DMBT1: variants seen among roughly 807,000 people sequenced by gnomAD.
DMBT1 encodes scavenger receptor cysteine-rich domain-containing protein DMBT1.
A neutral mutation model predicts 252.9 loss-of-function variants in DMBT1; 198 were observed. The ratio of observed to expected loss-of-function variants is 0.78; its 90% CI spans 0.70 to 0.88. The LOEUF (loss-of-function observed/expected upper bound fraction) is 0.88. Among genes scored for constraint, DMBT1 ranks in the 40% least tolerant of loss-of-function variants. DMBT1 has a pLI of 0.00. For missense variants in DMBT1, 2,432 were observed against 2,404.7 expected, an observed-to-expected ratio of 1.01 and a Z score of -0.24; for synonymous variants, 990 against 942.7, an observed-to-expected ratio of 1.05 and a Z score of -0.92.
At chr10:122,639,060 TG>T (rs1364671294) in intron 54 of DMBT1, among the ~76,000 whole-genome samples, 3 of 152,258 alleles carry the variant, frequency 2.0e-5, no homozygotes, top group Admixed American at 2.0e-4. Flanking sequence ...CATCCATGGC[TG>T]GAGCTTCCCA....
chr10:122,643,226 A>T lies in DMBT1; in HGVS notation c.7457A>T (p.Tyr2486Phe). The change falls in exon 56 of 56, where the codon TAC becomes TTC. Residue 2486 changes from tyrosine (Y) to phenylalanine (F), a missense_variant. By Grantham distance (22) the Tyr-to-Phe change is conservative. Coordinates refer to ENST00000338354, the MANE Select transcript of DMBT1 (RefSeq NM_001377530.1). ...TTCCTGAACCGCTTCCCCTCCGTGTACCTGCGTTGTAAAATGGTGGTGTGC... is the reference window on the plus strand; with the variant it reads ...TTCCTGAACCGCTTCCCCTCCGTGTTCCTGCGTTGTAAAATGGTGGTGTGC... ...FHFLNRFPSV[Y>F]LRCKMVVCRA... is the part of the protein sequence containing the mutation. The T allele has an allele frequency of 6.2e-7, 1 of 1,613,714 alleles. No homozygotes were observed. The highest frequency in any genetic ancestry group is 2.2e-5 in the East Asian group (1 of 44,858).
At chr10:122,593,758 T>C (rs2097874413) in intron 21 of DMBT1, among the ~76,000 whole-genome samples, 160 bp downstream of exon 21, 1 of 148,264 alleles carries the variant, frequency 6.7e-6, no homozygotes. Context: ...AGCACAGCGC[T>C]TTTTAAACAC....
intron 54 of DMBT1, 125 bp from the exon 55 acceptor site, chr10:122,639,915 A>G: frequency 8.6e-7 from 1 of 1,161,184 alleles, no homozygotes; most frequent in East Asian, 2.6e-5. Flanking sequence ...GCCATCTCTG[A>G]GTGGTTCTGG....
chr10:122,625,790 C>T (rs1443845022), intron 45 of DMBT1, 143 bp from the exon 46 acceptor site: 2 of 730,116 alleles, frequency 2.7e-6, no homozygotes, highest in Non-Finnish European at 4.9e-6. Context: ...CCTTACTGGC[C>T]ATGAACAGTG....
In DMBT1 at chr10:122,618,015, A is replaced by G; in HGVS notation, c.4892-2A>G. On this transcript the variant is annotated splice_acceptor_variant, in intron 40 of 55. Transcript: ENST00000338354. LOFTEE classifies it high-confidence loss of function. ...ATGAAGGGTTCTTGTGTTCCCCTGT[A>G]GGATCTGAATCCACTTTGGCCCTGA... 1.9e-6 allele frequency: 3 copies of G among 1,612,564 alleles called. No homozygotes were observed. The highest frequency in any genetic ancestry group is 1.7e-6 in the Non-Finnish European group (2 of 1,179,732).
chr10:122,618,759 C>T (rs1326420409), intron 41 of DMBT1, among the ~76,000 whole-genome samples: 1 of 152,230 alleles, frequency 6.6e-6, no homozygotes, highest in Non-Finnish European at 1.5e-5. Flanking sequence ...GGGTTCTCAG[C>T]TGAGACCCAG....
chr10:122,567,225 A>T (rs1027649407), intron 2 of DMBT1, among the ~76,000 whole-genome samples: 1 of 151,942 alleles, frequency 6.6e-6, no homozygotes, highest in Admixed American at 6.6e-5. Flanking sequence ...GAGACCGAGC[A>T]CTCTCCTGGA....
chr10:122,632,803 C>T (rs2684748), intron 50 of DMBT1, 58 bp from the exon 51 acceptor site: 27 of 1,597,890 alleles, frequency 1.7e-5, no homozygotes, highest in South Asian at 2.3e-5. Context: ...CATGAGCAGT[C>T]GACAGCTGTG....
intron 54 of DMBT1, among the ~76,000 whole-genome samples, chr10:122,637,909 A>G (rs1320547452): frequency 6.6e-6 from 1 of 152,102 alleles, no homozygotes; most frequent in East Asian, 1.9e-4. Flanking sequence ...TTTTGGGTGA[A>G]AGTGAAGCCA....
chr10:122,577,746 C>T, intron 7 of DMBT1, 65 bp from the exon 8 acceptor site: 2 of 1,590,934 alleles, frequency 1.3e-6, no homozygotes, highest in Non-Finnish European at 1.7e-6. Context: ...CAAGTCACTT[C>T]AGCCTTAACT....
chr10:122,637,723 T>C (rs1271782464), intron 54 of DMBT1, among the ~76,000 whole-genome samples: 1 of 152,196 alleles, frequency 6.6e-6, no homozygotes, highest in Non-Finnish European at 1.5e-5. Flanking sequence ...TTATAAACTT[T>C]GCAAAAACGT....
intron 16 of DMBT1, 75 bp downstream of exon 16, chr10:122,586,458 C>G: frequency 6.5e-7 from 1 of 1,549,242 alleles, no homozygotes; most frequent in Non-Finnish European, 8.7e-7. Context: ...GTTCTAATCT[C>G]CTCACTTAGA....
chr10:122,630,597 C>T, intron 48 of DMBT1, 107 bp downstream of exon 48: 1 of 1,171,172 alleles, frequency 8.5e-7, no homozygotes, highest in Non-Finnish European at 1.2e-6. Context: ...CTCAGCGATG[C>T]ACGGCCCATT....
rs185181731 is a variant in DMBT1 at position 122,580,262 on chromosome 10, C to G, written c.1003+361C>G. 3.3e-5 allele frequency among the ~76,000 whole-genome samples: 5 copies of G among 152,242 alleles called. No individual in the cohort carries two copies. The East Asian group carries it at 7.8e-4, about 24-fold the overall frequency. On this transcript the variant is annotated intron_variant, in intron 10 of 55. Transcript: ENST00000338354. ...AGGCAGGGGAGGGATCCCCTCACTGCGAGGAACTCTGAACTAAAGATGCTT... is the reference window on the plus strand; with the variant it reads ...AGGCAGGGGAGGGATCCCCTCACTGGGAGGAACTCTGAACTAAAGATGCTT...
intron 1 of DMBT1, among the ~76,000 whole-genome samples, chr10:122,564,479 A>G (rs2097573024): frequency 1.3e-5 from 2 of 150,540 alleles, no homozygotes; most frequent in South Asian, 4.3e-4. Context: ...CAAATGCCTT[A>G]ATCCTCCTTT....
intron 2 of DMBT1, 112 bp from the exon 3 acceptor site, chr10:122,570,050 G>C: frequency 2.0e-6 from 2 of 980,332 alleles, no homozygotes; most frequent in South Asian, 1.3e-5. Context: ...AGCAATGGAG[G>C]GTGCCCTTAG....
At chr10:122,575,991 C>T (rs1009641132) in intron 6 of DMBT1, among the ~76,000 whole-genome samples, 2 of 152,150 alleles carry the variant, frequency 1.3e-5, no homozygotes, top group Admixed American at 6.5e-5. Context: ...GTGCTCCAAA[C>T]CAACCTTAGA....
At chr10:122,571,686 G>T (rs143794986) in intron 4 of DMBT1, among the ~76,000 whole-genome samples, 151 of 152,252 alleles carry the variant, frequency 9.9e-4, no homozygotes, top group Non-Finnish European at 1.6e-3. Context: ...GTCCCATGGT[G>T]TGCTCCCCAA....
chr10:122,632,765 T>G, intron 50 of DMBT1, 96 bp from the exon 51 acceptor site: 1 of 1,513,378 alleles, frequency 6.6e-7, no homozygotes, highest in Non-Finnish European at 9.0e-7. Flanking sequence ...CCCTGTGGAC[T>G]CAGGCTTGGC....
Sources: gnomAD v4.1 joint callset for allele counts (sites outside exome capture counted in the v4.1 genomes callset) on GRCh38, gnomAD v4.1.1 for gene constraint, MANE v1.5 for transcripts, NCBI Gene and HGNC (gene_info 2026-07-23, HGNC 2026-07-21) for gene names.